Variants in TAF3 observed in about 807,000 individuals in gnomAD.
The protein encoded by TAF3 is transcription initiation factor TFIID subunit 3.
TAF3 carries 7 observed loss-of-function variants against 80.6 expected under a neutral mutation model. The observed-to-expected ratio is 0.09, with a 90% CI of 0.05 to 0.16. The LOEUF is 0.16. Ranked by LOEUF, TAF3 falls within the 10% of genes least tolerant of loss-of-function variation. TAF3 has a pLI of 1.00. For synonymous variants in TAF3, 444 were observed against 446.1 expected (o/e 1.00, Z 0.06); for missense variants, 921 against 1,140.2 (o/e 0.81, Z 2.77).
At chr10:7,849,070 C>T (rs1837000698) in intron 2 of TAF3, among the ~76,000 whole-genome samples, 1 of 152,182 alleles carries the variant, frequency 6.6e-6, no homozygotes, top group African/African-American at 2.4e-5. Flanking sequence ...TAGAATTAAA[C>T]TTATGAACCG....
At chr10:7,994,434 G>A (rs1831864104) in intron 4 of TAF3, among the ~76,000 whole-genome samples, 1 of 151,926 alleles carries the variant, frequency 6.6e-6, no homozygotes, top group African/African-American at 2.4e-5. Context: ...GGAAATAGAT[G>A]GGTTTGAAAA....
rs555948397 is a variant in TAF3, at chr10:7,891,301, A to G, written c.409+66741A>G. ...TTTGCTTTTACCTTGAGGTACTTTC[A>G]GGAATGATTAAGGTGTACATAGTAA... On this transcript the variant is annotated intron_variant, in intron 2 of 6. Transcript: ENST00000344293. 1.1e-4 allele frequency among the ~76,000 whole-genome samples: 17 copies of G among 152,314 alleles called. No homozygotes were observed. In the East Asian group the frequency reaches 3.1e-3, roughly 28 times the overall value.
At chr10:7,853,036 C>T (rs966508122) in intron 2 of TAF3, among the ~76,000 whole-genome samples, 1 of 152,092 alleles carries the variant, frequency 6.6e-6, no homozygotes, top group Admixed American at 6.5e-5. Flanking sequence ...TTCAAATTGT[C>T]CCATCTTTGG....
At chr10:7,993,699 G>A (rs1831856062) in intron 4 of TAF3, among the ~76,000 whole-genome samples, 1 of 151,936 alleles carries the variant, frequency 6.6e-6, no homozygotes, top group Non-Finnish European at 1.5e-5. Flanking sequence ...TATTACTTCA[G>A]ATCAGTAGGC....
At chr10:7,848,223 A>G (rs1836991826) in intron 2 of TAF3, among the ~76,000 whole-genome samples, 1 of 152,224 alleles carries the variant, frequency 6.6e-6, no homozygotes, top group African/African-American at 2.4e-5. Context: ...AGTAAAAAAT[A>G]TTTCTCAGAT....
At chr10:7,912,300 A>G (rs974121929) in intron 2 of TAF3, among the ~76,000 whole-genome samples, 5 of 152,212 alleles carry the variant, frequency 3.3e-5, no homozygotes, top group Admixed American at 6.5e-5. Flanking sequence ...GGGTCCCACG[A>G]TGTTGCCCAA....
chr10:7,820,032 C>T (rs1345967980), intron 1 of TAF3, among the ~76,000 whole-genome samples: 1 of 152,190 alleles, frequency 6.6e-6, no homozygotes, highest in African/African-American at 2.4e-5. Flanking sequence ...TAGCATTTTG[C>T]TTACCTTTTG....
chr10:7,991,881 A>G (rs1333951331), intron 4 of TAF3, among the ~76,000 whole-genome samples: 1 of 152,206 alleles, frequency 6.6e-6, no homozygotes, highest in Non-Finnish European at 1.5e-5. Context: ...CTCCAGTGAG[A>G]TACAAATCTT....
At chr10:7,985,815 A>C (rs1588577111) in intron 4 of TAF3, among the ~76,000 whole-genome samples, 2 of 121,592 alleles carry the variant, frequency 1.6e-5, no homozygotes, top group African/African-American at 3.3e-5. Flanking sequence ...ACGGAATCTC[A>C]CTCTGTGGCC....
chr10:7,935,138 G>A (rs750127395), intron 2 of TAF3, among the ~76,000 whole-genome samples: 6 of 152,108 alleles, frequency 3.9e-5, no homozygotes, highest in Non-Finnish European at 7.4e-5. Flanking sequence ...TCAGCTGTGC[G>A]TGCTGGTGCG....
chr10:7,895,037 G>A (rs968945789), intron 2 of TAF3, among the ~76,000 whole-genome samples: 9 of 152,068 alleles, frequency 5.9e-5, no homozygotes, highest in African/African-American at 2.2e-4. Flanking sequence ...CACCATTCCT[G>A]GCTAATTTTT....
rs145628224 is a variant in TAF3 at position 7,927,622 on chromosome 10, C to G, written c.410-36298C>G. 1.8e-4 allele frequency among the ~76,000 whole-genome samples: 27 copies of G among 152,256 alleles called. No individual in the cohort carries two copies. The East Asian group carries it at 5.0e-3, about 28-fold the overall frequency. ...CAAAAATGATTGCTCTATATTTTAA[C>G]GTCAGATAATGCCCAGAATCTTTTC... On this transcript the variant is annotated intron_variant, in intron 2 of 6. Coordinates refer to ENST00000344293, the MANE Select transcript of TAF3 (RefSeq NM_031923.4).
At chr10:7,994,989 AAAAAAAG>A (rs1831874049) in intron 4 of TAF3, among the ~76,000 whole-genome samples, 1 of 150,784 alleles carries the variant, frequency 6.6e-6, no homozygotes, top group African/African-American at 2.4e-5. Context: ...AAAAAAAAAA[AAAAAAAG>A]AAAAAAGAAA....
intron 2 of TAF3, among the ~76,000 whole-genome samples, chr10:7,933,814 G>T (rs1837891477): frequency 6.6e-6 from 1 of 152,172 alleles, no homozygotes; most frequent in Non-Finnish European, 1.5e-5. Context: ...ATCATCTTAA[G>T]CCTGTTCTTT....
chr10:7,878,970 C>G (rs553687631), intron 2 of TAF3, among the ~76,000 whole-genome samples: 25 of 152,154 alleles, frequency 1.6e-4, no homozygotes, highest in African/African-American at 5.8e-4. Context: ...TCAAGCAATC[C>G]GCTCACCTCA....
chr10:7,900,269 TGAA>T (rs553303652), intron 2 of TAF3, among the ~76,000 whole-genome samples: 4 of 152,324 alleles, frequency 2.6e-5, no homozygotes, highest in East Asian at 1.9e-4. Flanking sequence ...AGTCAAGAAA[TGAA>T]GAAGAATACA....
At chr10:7,924,632 A>G (rs1386338998) in intron 2 of TAF3, among the ~76,000 whole-genome samples, 3 of 152,212 alleles carry the variant, frequency 2.0e-5, no homozygotes, top group African/African-American at 7.2e-5. Flanking sequence ...TGATCCTGTG[A>G]GTGAACAAAT....
At chr10:7,955,951 T>G (rs1838131223) in intron 2 of TAF3, among the ~76,000 whole-genome samples, 1 of 152,214 alleles carries the variant, frequency 6.6e-6, no homozygotes, top group East Asian at 1.9e-4. Flanking sequence ...TTGTTGCTTT[T>G]ATGTGATTAA....
rs570370578 is a variant in TAF3, at chr10:7,938,387, G to A, written c.410-25533G>A. Among the ~76,000 whole-genome samples, 22 of 152,228 alleles carry A rather than the reference G, an allele frequency of 1.4e-4. No individual in the cohort carries two copies. The South Asian group carries it at 3.3e-3, about 23-fold the overall frequency. On this transcript the variant is annotated intron_variant, in intron 2 of 6. Transcript: ENST00000344293. ...TTAGTTCAGGGGCAATGTGATGGGC[G>A]GGCCTCGCCTAAGGTAGCCAATGGG...
Sources: allele counts gnomAD v4.1 joint callset (sites outside exome capture counted in the v4.1 genomes callset), GRCh38; gene constraint gnomAD v4.1.1; transcripts MANE v1.5; gene names NCBI Gene and HGNC (gene_info 2026-07-23, HGNC 2026-07-21).